The following OTUD7A variants were observed in gnomAD, a reference collection of about 807,000 sequenced individuals.
The protein encoded by OTUD7A is OTU deubiquitinase 7A.
OTUD7A carries 12 observed loss-of-function variants against 65.7 expected under a neutral mutation model. That is an observed-to-expected ratio of 0.18 (90% confidence interval 0.12 to 0.30). The LOEUF (loss-of-function observed/expected upper bound fraction) is 0.30. Among genes scored for constraint, OTUD7A ranks in the 10% least tolerant of loss-of-function variants. OTUD7A has a pLI of 1.00. For synonymous variants in OTUD7A, 641 were observed against 586.3 expected, an observed-to-expected ratio of 1.09 and a Z score of -1.35; for missense variants, 1,148 against 1,304.8, an observed-to-expected ratio of 0.88 and a Z score of 1.85.
chr15:31,524,229 G>T (rs139487401), intron 8 of OTUD7A, among the ~76,000 whole-genome samples: 51 of 152,022 alleles, frequency 3.4e-4, no homozygotes, highest in Admixed American at 9.8e-4. Context: ...ACAGGATTCT[G>T]ACCTGAGCAT....
intron 1 of OTUD7A, among the ~76,000 whole-genome samples, chr15:31,861,650 A>G (rs2141017372): frequency 6.6e-6 from 1 of 152,280 alleles, no homozygotes; most frequent in Non-Finnish European, 1.5e-5. Context: ...CAATACCTCA[A>G]CAAGGTAGAG....
At chr15:31,528,314 G>C (rs181878365) in intron 6 of OTUD7A, among the ~76,000 whole-genome samples, 1 of 152,226 alleles carries the variant, frequency 6.6e-6, no homozygotes, top group African/African-American at 2.4e-5. Flanking sequence ...TCCCAGCACA[G>C]GGAAAGGCCA....
At position 31,758,097 on chromosome 15, in the gene OTUD7A, A is replaced by C. The variant is rs192702701; in HGVS notation, c.-99-101020T>G. On this transcript the variant is annotated intron_variant, in intron 1 of 12. Coordinates refer to ENST00000307050, the MANE Select transcript of OTUD7A (RefSeq NM_001382637.1). ...TTTCATTTACTTTTAATGTTGACAA[A>C]TTATCAAAATGGACTGAGGGACCTT... Among the ~76,000 whole-genome samples, 250 of 152,330 alleles carry C rather than the reference A, an allele frequency of 1.6e-3. 1 individual carries two copies. The highest frequency in any genetic ancestry group is 5.7e-3 in the African/African-American group (235 of 41,568).
chr15:31,648,682 C>A (rs1416890264), intron 3 of OTUD7A, among the ~76,000 whole-genome samples: 1 of 152,164 alleles, frequency 6.6e-6, no homozygotes, highest in Admixed American at 6.5e-5. Flanking sequence ...GATGTCCTGT[C>A]TTTTTAGGTC....
chr15:31,765,606 C>A lies in OTUD7A; in HGVS notation c.-100+104901G>T, dbSNP rs145842774. 2.9e-3 allele frequency: 1,615 copies of A among 558,322 alleles called. 10 individuals are homozygous for A. Among genetic ancestry groups the A allele is most frequent in the Middle Eastern group, 9.7e-3 (21 of 2,156 alleles). The allele number at this position is 558,322 out of a possible 1,614,324, so 34.6% of individuals were successfully genotyped here. On this transcript the variant is annotated intron_variant, in intron 1 of 12. Coordinates refer to ENST00000307050, the MANE Select transcript of OTUD7A (RefSeq NM_001382637.1). ...CTAGGAGTCTCACATTGATAAACAT[C>A]TATTTTGGCACTACCTTACATAATG...
chr15:31,814,271 T>C (rs987927149), intron 1 of OTUD7A, among the ~76,000 whole-genome samples: 1 of 152,132 alleles, frequency 6.6e-6, no homozygotes, highest in African/African-American at 2.4e-5. Flanking sequence ...CAGCTGGAAA[T>C]TACACACAGC....
chr15:31,518,967 C>T (rs542685156), intron 8 of OTUD7A, among the ~76,000 whole-genome samples: 17 of 152,238 alleles, frequency 1.1e-4, no homozygotes, highest in Non-Finnish European at 2.2e-4. Flanking sequence ...CCCAGTGCTT[C>T]GAAGGGACTG....
At chr15:31,617,983 G>C (rs895402822) in intron 3 of OTUD7A, among the ~76,000 whole-genome samples, 3 of 149,160 alleles carry the variant, frequency 2.0e-5, no homozygotes, top group African/African-American at 7.6e-5. Flanking sequence ...CTGTGTCCAA[G>C]TGTTCTCATT....
At chr15:31,819,817 T>G (rs1447022245) in intron 1 of OTUD7A, among the ~76,000 whole-genome samples, 1 of 151,948 alleles carries the variant, frequency 6.6e-6, no homozygotes, top group Non-Finnish European at 1.5e-5. Flanking sequence ...AATGTATCAG[T>G]ATATATGTTA....
intron 3 of OTUD7A, among the ~76,000 whole-genome samples, chr15:31,628,141 G>A (rs1334947756): frequency 6.6e-6 from 1 of 152,056 alleles, no homozygotes; most frequent in Non-Finnish European, 1.5e-5. Context: ...CATTGCTTTT[G>A]GTGTTTTAGA....
intron 1 of OTUD7A, among the ~76,000 whole-genome samples, chr15:31,852,489 T>G (rs944909545): frequency 6.6e-6 from 1 of 152,262 alleles, no homozygotes; most frequent in Non-Finnish European, 1.5e-5. Context: ...TGCAATAAAC[T>G]ATTCCAAAAT....
In OTUD7A at chr15:31,546,380, C is replaced by T. The variant is rs111617953; in HGVS notation, c.550+12589G>A. ...TCACCAGTGTGGCTATATATGAAGACGAAGACTTCAAGGAAGTAATTTAAA... is the reference window on the plus strand; with the variant it reads ...TCACCAGTGTGGCTATATATGAAGATGAAGACTTCAAGGAAGTAATTTAAA... On this transcript the variant is annotated intron_variant, in intron 5 of 12. Transcript: ENST00000307050. 4.3e-3 allele frequency among the ~76,000 whole-genome samples: 662 copies of T among 152,222 alleles called. 4 individuals are homozygous for T. The highest frequency in any genetic ancestry group is 0.015 in the African/African-American group (632 of 41,518).
intron 3 of OTUD7A, among the ~76,000 whole-genome samples, chr15:31,588,246 T>C (rs1374298108): frequency 6.6e-6 from 1 of 152,238 alleles, no homozygotes; most frequent in Non-Finnish European, 1.5e-5. Flanking sequence ...CAGGAATATC[T>C]TGTTGTAGGA....
intron 1 of OTUD7A, among the ~76,000 whole-genome samples, chr15:31,804,362 G>A (rs527639584): frequency 7.2e-5 from 11 of 152,176 alleles, no homozygotes; most frequent in Admixed American, 4.6e-4. Flanking sequence ...GGAAACACCC[G>A]GGTCCCCCAA....
intron 1 of OTUD7A, among the ~76,000 whole-genome samples, chr15:31,747,647 T>C (rs1197739366): frequency 6.6e-6 from 1 of 152,196 alleles, no homozygotes; most frequent in Non-Finnish European, 1.5e-5. Context: ...TACAGAAGAA[T>C]GCCAGTGTAG....
intron 1 of OTUD7A, among the ~76,000 whole-genome samples, chr15:31,808,603 G>A (rs1422087313): frequency 2.0e-5 from 3 of 152,186 alleles, no homozygotes; most frequent in Non-Finnish European, 4.4e-5. Flanking sequence ...AAGAGACCCT[G>A]ATGCACTTCC....
intron 5 of OTUD7A, among the ~76,000 whole-genome samples, chr15:31,533,944 ATAG>A (rs1360035508): frequency 6.6e-6 from 1 of 152,236 alleles, no homozygotes; most frequent in East Asian, 1.9e-4. Flanking sequence ...TGCTTCACCA[ATAG>A]TAGTAAAATG....
chr15:31,488,325 C>T (rs558684570), intron 10 of OTUD7A, among the ~76,000 whole-genome samples: 5 of 152,050 alleles, frequency 3.3e-5, no homozygotes, highest in African/African-American at 4.8e-5. Flanking sequence ...ACTCACCACC[C>T]GTGGGAAATC....
At chr15:31,734,136 A>T (rs1040350384) in intron 1 of OTUD7A, among the ~76,000 whole-genome samples, 1 of 152,214 alleles carries the variant, frequency 6.6e-6, no homozygotes, top group South Asian at 2.1e-4. Context: ...CTAAATCAGG[A>T]ATGTACTCCC....
Sources: gnomAD v4.1 joint callset for allele counts (sites outside exome capture counted in the v4.1 genomes callset) on GRCh38, gnomAD v4.1.1 for gene constraint, MANE v1.5 for transcripts, NCBI Gene and HGNC (gene_info 2026-07-23, HGNC 2026-07-21) for gene names.